Variants in P3H2 observed in about 807,000 individuals in gnomAD.
P3H2 encodes the protein leprecan-like 1.
A neutral mutation model predicts 87.0 loss-of-function variants in P3H2; 80 were observed. The observed-to-expected ratio is 0.92, with a 90% CI of 0.77 to 1.11. The LOEUF is 1.11. P3H2 is among the 50% of genes least tolerant of loss of function. The pLI is 0.00. For synonymous variants in P3H2, 367 were observed against 359.3 expected, an observed-to-expected ratio of 1.02 and a Z score of -0.24; for missense variants, 1,001 against 923.9, an observed-to-expected ratio of 1.08 and a Z score of -1.08.
chr3:189,962,231 T>C lies in P3H2; in HGVS notation c.2034+1727A>G, dbSNP rs926906450. ...TCGCCCAGGTTACAGTGTGGTGGAG[T>C]GATCTCAGCTCACTGCAACTGCAGC... On this transcript the variant is annotated intron_variant, in intron 14 of 14. Coordinates refer to ENST00000319332, the MANE Select transcript of P3H2 (RefSeq NM_018192.4). 8.4e-5 allele frequency among the ~76,000 whole-genome samples: 12 copies of C among 142,974 alleles called. No individual in the cohort carries two copies. The East Asian group carries it at 2.3e-3, about 28-fold the overall frequency. 93.8% of individuals were successfully genotyped at this position (142,974 alleles called of 152,430 possible).
intron 1 of P3H2, among the ~76,000 whole-genome samples, chr3:190,103,491 C>T (rs908269903): frequency 6.6e-6 from 1 of 152,108 alleles, no homozygotes; most frequent in Non-Finnish European, 1.5e-5. Flanking sequence ...TTAGGTAAAC[C>T]TTTGTTAACT....
intron 1 of P3H2, among the ~76,000 whole-genome samples, chr3:190,034,838 C>A (rs1443625845): frequency 1.3e-5 from 1 of 78,998 alleles, no homozygotes; most frequent in African/African-American, 5.3e-5. Flanking sequence ...ATCGCTTTTT[C>A]TTTTCTTTTC....
intron 1 of P3H2, among the ~76,000 whole-genome samples, chr3:190,040,002 G>C (rs1368833325): frequency 1.3e-5 from 2 of 152,134 alleles, no homozygotes; most frequent in Non-Finnish European, 2.9e-5. Context: ...AAACTCACAG[G>C]AATATGGAGA....
Position 189,973,977 on chromosome 3 carries a change from T to C in P3H2, c.1480A>G (p.Arg494Gly), listed in dbSNP as rs766729715. 12 of 1,613,964 alleles carry C rather than the reference T, an allele frequency of 7.4e-6. No homozygotes were observed. Among genetic ancestry groups the C allele is most frequent in the Middle Eastern group, 1.6e-4 (1 of 6,082 alleles). Residue 494 changes from arginine to glycine, a missense_variant, in exon 10 of 15, where the codon AGA (arginine) becomes GGA (glycine). By Grantham distance (125) the Arg-to-Gly change is moderately radical (BLOSUM62 -2). Transcript: ENST00000319332. ...SGIMLVGDGY[R>G]GKTSPHTPNE... ...GGTGTATGGGGTGAAGTTTTTCCTC[T>C]GTATCCATCACCAACAAGCATGATT...
chr3:190,067,007 CTTTCTTTT>C (rs1726532499), intron 1 of P3H2, among the ~76,000 whole-genome samples: 1 of 145,110 alleles, frequency 6.9e-6, no homozygotes, highest in Non-Finnish European at 1.5e-5. Context: ...TTTTAATTTT[CTTTCTTTT>C]TTTTTTTTTT....
At chr3:190,092,446 G>T (rs1202600191) in intron 1 of P3H2, among the ~76,000 whole-genome samples, 3 of 152,184 alleles carry the variant, frequency 2.0e-5, no homozygotes, top group Non-Finnish European at 4.4e-5. Flanking sequence ...TAGCAAAATA[G>T]CTAGTGCTTA....
At chr3:189,992,840 A>G (rs1723918357) in intron 3 of P3H2, among the ~76,000 whole-genome samples, 1 of 152,252 alleles carries the variant, frequency 6.6e-6, no homozygotes, top group Non-Finnish European at 1.5e-5. Flanking sequence ...GAAGTAAATT[A>G]CTATGAACAA....
chr3:189,983,186 G>T lies in P3H2; in HGVS notation c.1230-46C>A, dbSNP rs549249630. 1.4e-5 allele frequency: 20 copies of T among 1,390,536 alleles called. No individual in the cohort carries two copies. In the South Asian group the frequency reaches 2.2e-4, roughly 15 times the overall value. The allele number at this position is 1,390,536 out of a possible 1,614,324, so 86.1% of individuals were successfully genotyped here. A position where few individuals can be genotyped will look rare whatever the true frequency, so the allele number is the denominator to read the frequency against. ...AAATGGCAATTTGTCATTGAATAAC[G>T]ATGTTCAAAGGCAAAGAATACTTTA... is the stretch of plus-strand genomic sequence containing the variant. On this transcript the variant is annotated intron_variant, in intron 7 of 14. Transcript: ENST00000319332.
In P3H2 at chr3:189,963,968, TA is replaced by T. The variant is rs1295895682; in HGVS notation, c.2023del (p.Tyr675IlefsTer12). 8.7e-6 allele frequency: 14 copies of T among 1,614,092 alleles called. No individual in the cohort carries two copies. The highest frequency in any genetic ancestry group is 1.2e-5 in the Non-Finnish European group (14 of 1,180,040). The part of the protein sequence containing the change: ...VALWFTLDPL[Y>X]RELERIQADE... ...GGGTGAGAAACTCACCAATTCTCTATAAAGTGGGTCCAAGGTGAACCACAGA... is the reference window on the plus strand; with the variant it reads ...GGGTGAGAAACTCACCAATTCTCTATAAGTGGGTCCAAGGTGAACCACAGA... On this transcript the variant is annotated frameshift_variant, in exon 14 of 15. Transcript: ENST00000319332. LOFTEE classifies it high-confidence loss of function.
At chr3:190,070,277 G>A (rs1726655190) in intron 1 of P3H2, among the ~76,000 whole-genome samples, 1 of 152,086 alleles carries the variant, frequency 6.6e-6, no homozygotes, top group African/African-American at 2.4e-5. Context: ...TTTTGGCTCA[G>A]TGCATTGGAG....
At chr3:190,033,048 G>A (rs1228232499) in intron 1 of P3H2, among the ~76,000 whole-genome samples, 1 of 152,200 alleles carries the variant, frequency 6.6e-6, no homozygotes, top group African/African-American at 2.4e-5. Context: ...CAGATCCTCA[G>A]GCATTAGATC....
At chr3:189,962,589 A>G (rs1216641456) in intron 14 of P3H2, among the ~76,000 whole-genome samples, 2 of 152,190 alleles carry the variant, frequency 1.3e-5, no homozygotes, top group African/African-American at 4.8e-5. Context: ...CAGCGTATTT[A>G]CTAGCTGTTC....
At chr3:190,041,381 T>A (rs1725631613) in intron 1 of P3H2, among the ~76,000 whole-genome samples, 1 of 151,746 alleles carries the variant, frequency 6.6e-6, no homozygotes. Context: ...GTATATTTTT[T>A]AAAGGAGGGT....
intron 1 of P3H2, among the ~76,000 whole-genome samples, chr3:190,074,325 C>T (rs914661890): frequency 3.3e-5 from 5 of 152,074 alleles, no homozygotes; most frequent in Non-Finnish European, 7.4e-5. Context: ...GCCTGGCCAA[C>T]ATGACGAAAC....
chr3:190,114,405 C>G, intron 1 of P3H2, among the ~76,000 whole-genome samples: 1 of 151,826 alleles, frequency 6.6e-6, no homozygotes. Flanking sequence ...CCAGGATGGT[C>G]TCGATCTCCT....
chr3:190,008,906 G>T (rs1336374939), intron 1 of P3H2, among the ~76,000 whole-genome samples: 10 of 151,876 alleles, frequency 6.6e-5, no homozygotes, highest in Admixed American at 6.6e-4. Flanking sequence ...CTATAATTTA[G>T]GGTTAAGTAA....
intron 7 of P3H2, among the ~76,000 whole-genome samples, chr3:189,983,769 G>A (rs73890139): frequency 0.22 from 32,870 of 151,894 alleles, 3,676 homozygotes; most frequent in Admixed American, 0.29. Context: ...TTTGTGATGA[G>A]ACTCTAAGCA....
At chr3:190,083,254 G>T (rs1026827554) in intron 1 of P3H2, among the ~76,000 whole-genome samples, 2 of 152,174 alleles carry the variant, frequency 1.3e-5, no homozygotes, top group Admixed American at 1.3e-4. Flanking sequence ...CTGCAGAAGG[G>T]ATGGGATGTT....
intron 14 of P3H2, among the ~76,000 whole-genome samples, chr3:189,960,505 C>G (rs1433961308): frequency 6.6e-6 from 1 of 152,170 alleles, no homozygotes; most frequent in African/African-American, 2.4e-5. Context: ...ATGCCTCTCC[C>G]TAAAGAAATT....
Sources: allele counts gnomAD v4.1 joint callset (sites outside exome capture counted in the v4.1 genomes callset), GRCh38; gene constraint gnomAD v4.1.1; transcripts MANE v1.5; gene names NCBI Gene and HGNC (gene_info 2026-07-23, HGNC 2026-07-21).